The following RUNX1T1 variants were observed in gnomAD, a reference collection of about 807,000 sequenced individuals.
RUNX1T1 encodes protein CBFA2T1.
In RUNX1T1, 4 loss-of-function variants were observed where a neutral mutation model predicts 62.8. The observed-to-expected ratio is 0.06, with a 90% CI of 0.03 to 0.15. The LOEUF is 0.15. RUNX1T1 is among the 10% of genes least tolerant of loss of function. RUNX1T1 has a pLI of 1.00. For missense variants in RUNX1T1, 508 were observed against 754.3 expected (o/e 0.67, Z 3.82); for synonymous variants, 291 against 286.0 (o/e 1.02, Z -0.18).
intron 1 of RUNX1T1, among the ~76,000 whole-genome samples, chr8:92,034,826 A>ACC (rs1393224691): frequency 7.6e-6 from 1 of 131,152 alleles, no homozygotes; most frequent in East Asian, 1.9e-4. Context: ...ACACACACAC[A>ACC]CACACACACA....
Position 92,020,610 on chromosome 8 carries a change from GACTTT to G in RUNX1T1, c.8-3252_8-3248del, listed in dbSNP as rs997046274. Among the ~76,000 whole-genome samples, 47 of 152,202 alleles carry G rather than the reference GACTTT, an allele frequency of 3.1e-4. 1 individual carries two copies. The highest frequency in any genetic ancestry group is 1.1e-3 in the African/African-American group (47 of 41,554). On this transcript the variant is annotated intron_variant, in intron 1 of 10. Transcript: ENST00000396218. Reference sequence around the variant, plus strand: ...AAGGTAAGTAAAATAAAAAAGGGCTGACTTTACTTCTACCTTAGCGATTCATACTA... The same window carrying G: ...AAGGTAAGTAAAATAAAAAAGGGCTGACTTCTACCTTAGCGATTCATACTA...
chr8:92,006,176 G>C (rs893201481), intron 4 of RUNX1T1: 4 of 152,074 alleles, frequency 2.6e-5, no homozygotes, highest in African/African-American at 9.7e-5. Context: ...ACATAGTAAA[G>C]GCATTAAAAT....
rs939383185 is a variant in RUNX1T1 at position 92,096,963 on chromosome 8, C to T, written c.-86+2617G>A. On this transcript the variant is annotated intron_variant, in intron 1 of 11. Coordinates refer to the RUNX1T1 transcript ENST00000265814. ...ATCGGTTTTATGTATAGTTGAGCAC[C>T]GCCCCCTCTCCCCCACCCCACCCAA... Among the ~76,000 whole-genome samples, 8 of 152,032 alleles carry T rather than the reference C, an allele frequency of 5.3e-5. 1 individual carries two copies. The highest frequency in any genetic ancestry group is 4.1e-4 in the South Asian group (2 of 4,832).
upstream of RUNX1T1, among the ~76,000 whole-genome samples, chr8:92,101,122 G>C (rs190159257): frequency 2.0e-5 from 3 of 152,286 alleles, no homozygotes; most frequent in East Asian, 3.9e-4. Flanking sequence ...AAGCTACTGA[G>C]TGCACTTAAA....
chr8:92,098,027 A>G (rs7834277), intron 1 of RUNX1T1, among the ~76,000 whole-genome samples: 104,591 of 152,166 alleles, frequency 0.69, 38,558 homozygotes, highest in East Asian at 1. Flanking sequence ...TTTTCTTAAT[A>G]ATAGGTTACC....
intron 1 of RUNX1T1, among the ~76,000 whole-genome samples, chr8:92,099,168 G>A (rs1837927007): frequency 6.6e-6 from 1 of 152,090 alleles, no homozygotes; most frequent in Non-Finnish European, 1.5e-5. Flanking sequence ...CAAGTTGGGG[G>A]AGACAACATT....
At chr8:92,085,901 A>G (rs1022890991) in intron 1 of RUNX1T1, among the ~76,000 whole-genome samples, 6 of 152,174 alleles carry the variant, frequency 3.9e-5, no homozygotes, top group Non-Finnish European at 8.8e-5. Flanking sequence ...CAACTCCTCC[A>G]TTTAAAAAAA....
chr8:92,044,744 G>C (rs563002485), intron 1 of RUNX1T1, among the ~76,000 whole-genome samples: 1 of 152,250 alleles, frequency 6.6e-6, no homozygotes, highest in Non-Finnish European at 1.5e-5. Context: ...AAGAGAATCA[G>C]GTGAGAAAAT....
chr8:91,962,160 G>A (rs1810608051), intron 10 of RUNX1T1, among the ~76,000 whole-genome samples: 1 of 152,198 alleles, frequency 6.6e-6, no homozygotes, highest in Non-Finnish European at 1.5e-5. Flanking sequence ...GAAAGCCTTT[G>A]AACTCAAGAA....
At chr8:92,044,834 T>C (rs1829106127) in intron 1 of RUNX1T1, among the ~76,000 whole-genome samples, 1 of 152,190 alleles carries the variant, frequency 6.6e-6, no homozygotes. Context: ...TCCAACTTCT[T>C]AACCACTATA....
chr8:92,089,588 C>T (rs774878964), intron 1 of RUNX1T1, among the ~76,000 whole-genome samples: 2 of 152,234 alleles, frequency 1.3e-5, no homozygotes, highest in African/African-American at 2.4e-5. Flanking sequence ...TAGCCCCTCA[C>T]TCCCACCCCT....
chr8:92,021,951 A>G (rs1824179959), intron 1 of RUNX1T1, among the ~76,000 whole-genome samples: 1 of 150,492 alleles, frequency 6.6e-6, no homozygotes, highest in African/African-American at 2.5e-5. Flanking sequence ...CTCACTGTAG[A>G]TCACACATCC....
chr8:92,033,377 T>C (rs1328450945), intron 1 of RUNX1T1, among the ~76,000 whole-genome samples: 1 of 152,182 alleles, frequency 6.6e-6, no homozygotes, highest in Admixed American at 6.5e-5. Context: ...GACAATTAGA[T>C]GGATGTGTAT....
chr8:92,095,591 G>A, intron 1 of RUNX1T1: 1 of 1,418,622 alleles, frequency 7.0e-7, no homozygotes, highest in Non-Finnish European at 9.2e-7. Flanking sequence ...CGTGTGAGAC[G>A]GAGCGGGAGA....
intron 1 of RUNX1T1, among the ~76,000 whole-genome samples, chr8:92,046,050 C>T (rs930626462): frequency 2.0e-5 from 3 of 152,100 alleles, no homozygotes; most frequent in African/African-American, 7.2e-5. Flanking sequence ...AGGAAGCCTA[C>T]CCCATGGCCT....
At chr8:91,957,419 G>T (rs150132603), downstream of RUNX1T1, 177 of 229,926 alleles carry the variant, frequency 7.7e-4, no homozygotes, top group African/African-American at 3.4e-3. Context: ...CCACTGAGGA[G>T]AATGTAGCAA....
chr8:92,031,436 G>C (rs1826208176), intron 1 of RUNX1T1, among the ~76,000 whole-genome samples: 1 of 151,998 alleles, frequency 6.6e-6, no homozygotes, highest in Admixed American at 6.5e-5. Flanking sequence ...AATAAAGTGT[G>C]ACAAGATTTA....
At chr8:92,102,129 G>A (rs978809444), upstream of RUNX1T1, among the ~76,000 whole-genome samples, 1 of 152,186 alleles carries the variant, frequency 6.6e-6, no homozygotes, top group African/African-American at 2.4e-5. This position sits in a 1 kb window ranked among gnomAD's most constrained non-coding sequence, Gnocchi z 4.5. Flanking sequence ...AGCGCGCAGA[G>A]GTCGGGCGGG....
chr8:92,060,922 TGAGAGAGAGAGAGA>T (rs56103756), intron 1 of RUNX1T1, among the ~76,000 whole-genome samples: 2 of 146,418 alleles, frequency 1.4e-5, no homozygotes, highest in African/African-American at 5.0e-5. Flanking sequence ...ACACAGTTGA[TGAGAGAGAGAGAGA>T]GAGAGAGAGA....
Sources: gnomAD v4.1 joint callset for allele counts (sites outside exome capture counted in the v4.1 genomes callset) on GRCh38, gnomAD v4.1.1 for gene constraint, Gnocchi (gnomAD v3.1) non-coding constraint, MANE v1.5 for transcripts, NCBI Gene and HGNC (gene_info 2026-07-23, HGNC 2026-07-21) for gene names.